The following HOXB3 variants were observed in gnomAD, a reference collection of about 807,000 sequenced individuals.
HOXB3 encodes homeobox protein Hox-B3.
In HOXB3, 17 loss-of-function variants were observed where a neutral mutation model predicts 29.2. That is an observed-to-expected ratio of 0.58 (90% CI 0.40 to 0.87). The LOEUF is 0.87. Among genes scored for constraint, HOXB3 ranks in the 40% least tolerant of loss-of-function variants. HOXB3 has a pLI of 0.00. For missense variants in HOXB3, 637 were observed against 616.3 expected, an observed-to-expected ratio of 1.03 and a Z score of -0.35; for synonymous variants, 317 against 285.9, an observed-to-expected ratio of 1.11 and a Z score of -1.10.
chr17:48,555,335 G>GGAGAGAGAGAGAGA (rs763845981), intron 3 of HOXB3, 196 bp downstream of exon 3: 7 of 470,716 alleles, frequency 1.5e-5, no homozygotes, highest in African/African-American at 1.3e-4. Context: ...AGAGAGAGAG[G>GGAGAGAGAGAGAGA]GAGAGAGAGA....
chr17:48,558,066 G>A (rs556208624), intron 2 of HOXB3, among the ~76,000 whole-genome samples: 1 of 152,220 alleles, frequency 6.6e-6, no homozygotes, highest in African/African-American at 2.4e-5. Flanking sequence ...AGCCAAGAAT[G>A]TACCTCAAAA....
At position 48,552,422 on chromosome 17, in the gene HOXB3, T is replaced by C; in HGVS notation, c.53A>G (p.Tyr18Cys). The change falls in exon 4 of 5, where the codon TAT becomes TGT. Residue 18 changes from tyrosine (Y) to cysteine (C), a missense_variant. Tyr to Cys is a radical substitution (Grantham distance 194). Coordinates refer to ENST00000498678, the MANE Select transcript of HOXB3 (RefSeq NM_001384749.1). Reference sequence around the variant, plus strand: ...GCCATTGCTGCCAGGGTACGAGGAATAGCCTCCGAAGAGAGCAGCCGCGGC... The same window carrying C: ...GCCATTGCTGCCAGGGTACGAGGAACAGCCTCCGAAGAGAGCAGCCGCGGC... The part of the protein sequence containing the change: ...DNAAAALFGG[Y>C]SSYPGSNGFG... 1 of 1,608,032 alleles carries C rather than the reference T, an allele frequency of 6.2e-7. No individual in the cohort carries two copies. The highest frequency in any genetic ancestry group is 8.5e-7 in the Non-Finnish European group (1 of 1,176,188).
At chr17:48,570,260 G>C (rs1392006064) in intron 2 of HOXB3, among the ~76,000 whole-genome samples, 1 of 152,076 alleles carries the variant, frequency 6.6e-6, no homozygotes, top group Non-Finnish European at 1.5e-5. Context: ...TAAAGAGAGA[G>C]ACACACACAG....
Position 48,573,819 on chromosome 17 carries a change from G to A in HOXB3, c.-247+18C>T, listed in dbSNP as rs1005760970. 19 of 701,562 alleles carry A rather than the reference G, an allele frequency of 2.7e-5. No homozygotes were observed. Among genetic ancestry groups the A allele is most frequent in the Admixed American group, 4.0e-5 (2 of 49,806 alleles). The allele number at this position is 701,562 out of a possible 1,614,324, so 43.5% of individuals were successfully genotyped here. ...TAAAACGATCAAAACACGCCAGCCC[G>A]GGCCCGGGCTTTGTTACCTTTGCGC... is the stretch of plus-strand genomic sequence containing the variant. On this transcript the variant is annotated intron_variant, in intron 2 of 4. Transcript: ENST00000498678.
chr17:48,555,282 G>A, intron 3 of HOXB3: 1 of 533,080 alleles, frequency 1.9e-6, no homozygotes, highest in East Asian at 3.3e-5. Context: ...TGAAAGAAAA[G>A]AGAGAGAGGA....
intron 1 of HOXB3, chr17:48,576,359 G>T (rs1034392779): frequency 5.5e-6 from 1 of 181,796 alleles, no homozygotes; most frequent in African/African-American, 2.4e-5. Flanking sequence ...CGTGATTAAA[G>T]ATGAAACGTG....
intron 2 of HOXB3, among the ~76,000 whole-genome samples, chr17:48,568,805 A>G (rs1361018955): frequency 6.6e-6 from 1 of 152,220 alleles, no homozygotes; most frequent in African/African-American, 2.4e-5. Flanking sequence ...TAAAATCTCT[A>G]TGCAATGCCT....
In HOXB3 at chr17:48,551,066, G is replaced by T. The variant is rs1238282008; in HGVS notation, c.564C>A (p.Ser188=). The part of the protein sequence containing the change: ...GDKSPPGSAA[S]KRARTAYTSA... ...TCGTGTACGCCGTCCGCGCCCGCTT[G>T]GACGCCGCCGACCCCGGGGGGCTCT... The change falls in exon 5 of 5, where the codon TCC becomes TCA. Residue 188 remains serine, a synonymous_variant. Transcript: ENST00000498678. 6.4e-7 allele frequency: 1 copy of T among 1,553,612 alleles called. No homozygotes were observed. The highest frequency in any genetic ancestry group is 2.5e-5 in the East Asian group (1 of 40,324).
At chr17:48,558,983 AAG>A (rs1428879442) in intron 2 of HOXB3, among the ~76,000 whole-genome samples, 3 of 151,942 alleles carry the variant, frequency 2.0e-5, no homozygotes, top group Non-Finnish European at 4.4e-5. Flanking sequence ...GAAATTGAAA[AAG>A]AGGAAAATTG....
chr17:48,576,825 T>C (rs769086823), intron 1 of HOXB3: 1 of 1,614,248 alleles, frequency 6.2e-7, no homozygotes, highest in Non-Finnish European at 8.5e-7. Flanking sequence ...GTGGTCTTTT[T>C]TCCACTTCAT....
intron 2 of HOXB3, among the ~76,000 whole-genome samples, chr17:48,559,032 TA>T (rs1398855016): frequency 1.3e-5 from 2 of 150,994 alleles, no homozygotes; most frequent in East Asian, 3.9e-4. Context: ...ACTAATGAAG[TA>T]AAAAAATAAT....
intron 2 of HOXB3, among the ~76,000 whole-genome samples, chr17:48,568,292 T>A (rs1377658335): frequency 6.6e-6 from 1 of 152,130 alleles, no homozygotes; most frequent in East Asian, 1.9e-4. Context: ...CAAATATAAT[T>A]TTTATATTAG....
Position 48,550,117 on chromosome 17 carries a change from C to A in HOXB3, c.*217G>T. Reference sequence around the variant, plus strand: ...GTCATCTCCAATATGATGTGGATTCCTTTCCGATGGGTTGGCAGGCAGATG... The same window carrying A: ...GTCATCTCCAATATGATGTGGATTCATTTCCGATGGGTTGGCAGGCAGATG... On this transcript the variant is annotated 3_prime_UTR_variant, in exon 5 of 5. Coordinates refer to ENST00000498678, the MANE Select transcript of HOXB3 (RefSeq NM_001384749.1). 1.7e-6 allele frequency: 1 copy of A among 592,516 alleles called. No individual in the cohort carries two copies. 36.7% of individuals were successfully genotyped at this position (592,516 alleles called of 1,614,324 possible).
At chr17:48,589,652 G>T (rs1261943530) in intron 1 of HOXB3, among the ~76,000 whole-genome samples, 1 of 152,128 alleles carries the variant, frequency 6.6e-6, no homozygotes, top group Admixed American at 6.5e-5. Flanking sequence ...CCTACCCGGT[G>T]CTTTTTCTCA....
intron 1 of HOXB3, among the ~76,000 whole-genome samples, chr17:48,586,565 A>G (rs2070051876): frequency 6.6e-6 from 1 of 152,148 alleles, no homozygotes; most frequent in Admixed American, 6.5e-5. Flanking sequence ...TCTATGAATT[A>G]TTGATGAGAT....
At chr17:48,576,504 G>C (rs2069767129) in intron 1 of HOXB3, 3 of 367,868 alleles carry the variant, frequency 8.2e-6, no homozygotes, top group Non-Finnish European at 1.4e-5. Context: ...TTTGAATCTT[G>C]CTTCTGGGGG....
At chr17:48,569,242 T>C (rs1433145444) in intron 2 of HOXB3, among the ~76,000 whole-genome samples, 1 of 152,054 alleles carries the variant, frequency 6.6e-6, no homozygotes, top group East Asian at 1.9e-4. Flanking sequence ...TCTTTCGATT[T>C]CAGGCTCAAA....
At chr17:48,584,063 T>A (rs993642928) in intron 1 of HOXB3, among the ~76,000 whole-genome samples, 1 of 152,170 alleles carries the variant, frequency 6.6e-6, no homozygotes, top group East Asian at 1.9e-4. Context: ...AGACCCAAAA[T>A]AGACATATGC....
intron 2 of HOXB3, among the ~76,000 whole-genome samples, chr17:48,561,891 T>A (rs2069209547): frequency 6.6e-6 from 1 of 152,214 alleles, no homozygotes; most frequent in African/African-American, 2.4e-5. Flanking sequence ...CTAAGGTCTC[T>A]TTTTGGACTG....
Sources: allele counts gnomAD v4.1 joint callset (sites outside exome capture counted in the v4.1 genomes callset), GRCh38; gene constraint gnomAD v4.1.1; transcripts MANE v1.5; gene names NCBI Gene and HGNC (gene_info 2026-07-23, HGNC 2026-07-21).